Variants in CCBE1 observed in about 807,000 individuals in gnomAD.
CCBE1 encodes collagen and calcium binding EGF domains 1.
CCBE1 carries 37 observed loss-of-function variants against 50.0 expected under a neutral mutation model. That is an observed-to-expected ratio of 0.74 (90% confidence interval 0.57 to 0.97). The LOEUF is 0.97. Among genes scored for constraint, CCBE1 ranks in the 50% least tolerant of loss-of-function variants. The probability of loss-of-function intolerance (pLI) is 0.00; values close to 1 mark genes in which losing one functional copy is unlikely to be tolerated. For synonymous variants in CCBE1, 234 were observed against 203.7 expected (o/e 1.15, Z -1.27); for missense variants, 538 against 523.8 (o/e 1.03, Z -0.26).
chr18:59,539,184 A>ACAC (rs1568194429), intron 2 of CCBE1, among the ~76,000 whole-genome samples: 2 of 133,482 alleles, frequency 1.5e-5, no homozygotes, highest in African/African-American at 5.6e-5. Context: ...ATATTTAAAA[A>ACAC]ACACACACAC....
chr18:59,671,070 C>A (rs2054423386), intron 2 of CCBE1, among the ~76,000 whole-genome samples: 1 of 152,138 alleles, frequency 6.6e-6, no homozygotes. Context: ...CAAAGCTCGG[C>A]AAAGGACAGT....
chr18:59,522,697 A>G (rs550449388), intron 2 of CCBE1, among the ~76,000 whole-genome samples: 1 of 152,090 alleles, frequency 6.6e-6, no homozygotes, highest in East Asian at 1.9e-4. Flanking sequence ...TGGGAATTAA[A>G]TTTTTTTCTT....
At chr18:59,545,192 G>T (rs949072140) in intron 2 of CCBE1, among the ~76,000 whole-genome samples, 2 of 152,090 alleles carry the variant, frequency 1.3e-5, no homozygotes, top group African/African-American at 2.4e-5. Context: ...ACGGTATCTC[G>T]CTGTAAATAT....
rs113750289 is a variant in CCBE1, at chr18:59,451,884, C to G, written c.654+2967G>C. Among the ~76,000 whole-genome samples, 402 of 152,250 alleles carry G rather than the reference C, an allele frequency of 2.6e-3. 1 individual carries two copies. Among genetic ancestry groups the G allele is most frequent in the African/African-American group, 9.3e-3 (388 of 41,540 alleles). ...AGAACTTTGCCAGCCACCCCAGACC[C>G]CCTCCTTCCACGTGCCCCATCCCAA... On this transcript the variant is annotated intron_variant, in intron 6 of 10. Coordinates refer to ENST00000439986, the MANE Select transcript of CCBE1 (RefSeq NM_133459.4).
At chr18:59,620,308 T>C (rs538347804) in intron 2 of CCBE1, among the ~76,000 whole-genome samples, 1 of 152,270 alleles carries the variant, frequency 6.6e-6, no homozygotes, top group East Asian at 1.9e-4. Context: ...TCTAGGACTT[T>C]CTAGGAGCAT....
At chr18:59,465,741 T>C (rs1057090463) in intron 5 of CCBE1, 2 of 152,254 alleles carry the variant, frequency 1.3e-5, no homozygotes, top group African/African-American at 4.8e-5. Flanking sequence ...TTGAGTAGCA[T>C]GGATACAGAT....
chr18:59,589,373 G>A (rs1448895589), intron 2 of CCBE1, among the ~76,000 whole-genome samples: 6 of 152,132 alleles, frequency 3.9e-5, no homozygotes, highest in East Asian at 1.9e-4. Flanking sequence ...TCTACAAACC[G>A]TCAAAGACCA....
intron 10 of CCBE1, 91 bp downstream of exon 10, chr18:59,438,020 G>T: frequency 1.6e-6 from 2 of 1,287,530 alleles, no homozygotes; most frequent in Non-Finnish European, 2.2e-6. Flanking sequence ...GGAAGGGGCG[G>T]GCTTTTGCTA....
intron 2 of CCBE1, among the ~76,000 whole-genome samples, chr18:59,502,761 C>T (rs1281596498): frequency 1.3e-5 from 2 of 152,060 alleles, no homozygotes; most frequent in African/African-American, 2.4e-5. Context: ...CATGTCAGAG[C>T]GGAGCTTTAA....
At chr18:59,606,626 G>C (rs139450970) in intron 2 of CCBE1, among the ~76,000 whole-genome samples, 63 of 152,212 alleles carry the variant, frequency 4.1e-4, no homozygotes, top group African/African-American at 1.5e-3. Context: ...AACCTTGGAA[G>C]GGTGTCAAGA....
chr18:59,568,770 T>C (rs2052866048), intron 2 of CCBE1, among the ~76,000 whole-genome samples: 9 of 152,200 alleles, frequency 5.9e-5, no homozygotes, highest in Admixed American at 5.9e-4. Flanking sequence ...AGGTGAGCCC[T>C]GCAGGTGATC....
chr18:59,524,357 CA>C (rs772307933), intron 2 of CCBE1, among the ~76,000 whole-genome samples: 1 of 151,986 alleles, frequency 6.6e-6, no homozygotes, highest in East Asian at 1.9e-4. Context: ...CCCTATTATT[CA>C]AAAGACTATT....
intron 2 of CCBE1, among the ~76,000 whole-genome samples, chr18:59,685,008 A>C (rs2054637900): frequency 6.6e-6 from 1 of 152,346 alleles, no homozygotes; most frequent in South Asian, 2.1e-4. Context: ...CCATGTAAAA[A>C]AAAATGTGTT....
chr18:59,540,017 A>C (rs1915408417), intron 2 of CCBE1, among the ~76,000 whole-genome samples: 1 of 152,226 alleles, frequency 6.6e-6, no homozygotes, highest in African/African-American at 2.4e-5. Flanking sequence ...TGATGAATTT[A>C]GTTGACTTGA....
intron 2 of CCBE1, among the ~76,000 whole-genome samples, chr18:59,491,601 C>T (rs1261469726): frequency 8.0e-6 from 1 of 125,594 alleles, no homozygotes; most frequent in Non-Finnish European, 1.9e-5. Context: ...ATCACCTGAG[C>T]TCAGGAGTTC....
At chr18:59,658,879 CAAAAAAAAAAAAA>C (rs61226521) in intron 2 of CCBE1, among the ~76,000 whole-genome samples, 9 of 54,754 alleles carry the variant, frequency 1.6e-4, no homozygotes, top group East Asian at 6.2e-4. Flanking sequence ...GACTCTGTCT[CAAAAAAAAAAAAA>C]AAAAAAAAAA....
chr18:59,562,143 A>G (rs900252760), intron 2 of CCBE1, among the ~76,000 whole-genome samples: 1 of 152,212 alleles, frequency 6.6e-6, no homozygotes, highest in African/African-American at 2.4e-5. Context: ...AAGTTAAAAC[A>G]GTGAAATTCT....
chr18:59,616,744 A>C (rs917611228), intron 2 of CCBE1, among the ~76,000 whole-genome samples: 5 of 152,228 alleles, frequency 3.3e-5, no homozygotes, highest in African/African-American at 1.2e-4. Context: ...CCAGAAACGG[A>C]TTCTTAAGGT....
chr18:59,616,152 G>T (rs954150456), intron 2 of CCBE1, among the ~76,000 whole-genome samples: 2 of 152,194 alleles, frequency 1.3e-5, no homozygotes, highest in Non-Finnish European at 2.9e-5. Context: ...CTCCAGAGCT[G>T]CAGAGTGCAG....
Sources: allele counts gnomAD v4.1 joint callset (sites outside exome capture counted in the v4.1 genomes callset), GRCh38; gene constraint gnomAD v4.1.1; transcripts MANE v1.5; gene names NCBI Gene and HGNC (gene_info 2026-07-23, HGNC 2026-07-21).